AXL: variants seen among roughly 807,000 people sequenced by gnomAD.
AXL encodes the protein AXL receptor tyrosine kinase.
Under a neutral mutation model 104.5 loss-of-function variants are expected in AXL, and 52 were observed. The observed-to-expected ratio is 0.50, with a 90% CI of 0.40 to 0.63. The LOEUF (loss-of-function observed/expected upper bound fraction) is 0.63. Among genes scored for constraint, AXL ranks in the 20% least tolerant of loss-of-function variants. The probability of loss-of-function intolerance (pLI) is 0.00; values close to 1 mark genes in which losing one functional copy is unlikely to be tolerated. For missense variants in AXL, 1,024 were observed against 1,188.5 expected (o/e 0.86, Z 2.04); for synonymous variants, 455 against 473.7 (o/e 0.96, Z 0.51).
intron 4 of AXL, among the ~76,000 whole-genome samples, chr19:41,225,877 G>A (rs1002450525): frequency 1.3e-5 from 2 of 152,080 alleles, no homozygotes; most frequent in Non-Finnish European, 2.9e-5. Flanking sequence ...AATTTCGTCC[G>A]TTTGTGTGCG....
rs890921829 is a variant in AXL at position 41,221,082 on chromosome 19, C to A, written c.309-64C>A. The A allele has an allele frequency of 3.4e-6, 5 of 1,471,664 alleles. No individual in the cohort carries two copies. In the East Asian group the frequency reaches 1.1e-4, roughly 33 times the overall value. The allele number at this position is 1,471,664 out of a possible 1,614,324, so 91.2% of individuals were successfully genotyped here. Reference sequence around the variant, plus strand: ...ACTGGACACCCTCTTTCCGTTCTGACAGACCCCCTCCCAGTGTCCAGCTCT... The same window carrying A: ...ACTGGACACCCTCTTTCCGTTCTGAAAGACCCCCTCCCAGTGTCCAGCTCT... On this transcript the variant is annotated intron_variant, in intron 2 of 19. Coordinates refer to ENST00000301178, the MANE Select transcript of AXL (RefSeq NM_021913.5).
At chr19:41,257,727 C>T (rs1030772930) in intron 19 of AXL, 98 bp downstream of exon 19, 3 of 1,494,106 alleles carry the variant, frequency 2.0e-6, no homozygotes, top group Admixed American at 1.8e-5. Flanking sequence ...ATAACCCAGA[C>T]AGAATCCCTG....
intron 4 of AXL, among the ~76,000 whole-genome samples, chr19:41,229,751 A>T (rs73931456): frequency 0.035 from 5,324 of 152,256 alleles, 330 homozygotes; most frequent in African/African-American, 0.12. Context: ...ACTGGAGGCC[A>T]GTGTGGCCGG....
rs1294417665 is a variant in AXL, at chr19:41,260,313, T to TTTTTTC, written c.*414_*415insCTTTTT. 1.1e-4 allele frequency: 18 copies of TTTTTTC among 164,430 alleles called. 1 individual carries two copies. Among genetic ancestry groups the TTTTTTC allele is most frequent in the African/African-American group, 5.5e-4 (18 of 33,018 alleles). The allele number at this position is 164,430 out of a possible 1,614,324, so 10.2% of individuals were successfully genotyped here. ...CTAAGGCCTACTTTTTTTTTTTTTTTTTTTTTTTTTTTTTTTGCGATAGAG... is the reference window on the plus strand; with the variant it reads ...CTAAGGCCTACTTTTTTTTTTTTTTTTTTTTCTTTTTTTTTTTTTTTTGCGATAGAG... On this transcript the variant is annotated 3_prime_UTR_variant, in exon 20 of 20. Transcript: ENST00000301178.
intron 6 of AXL, among the ~76,000 whole-genome samples, chr19:41,235,664 AAG>A (rs1474711022): frequency 1.3e-5 from 2 of 152,192 alleles, no homozygotes; most frequent in African/African-American, 4.8e-5. Flanking sequence ...CAGTAGAGCA[AAG>A]ACTCTGGGGA....
At chr19:41,222,178 C>T (rs926658058) in intron 4 of AXL, 122 bp downstream of exon 4, 2 of 1,117,140 alleles carry the variant, frequency 1.8e-6, no homozygotes, top group Non-Finnish European at 2.4e-6. Context: ...CACTGTCTGT[C>T]TCTCTCGTTT....
intron 14 of AXL, among the ~76,000 whole-genome samples, chr19:41,249,416 C>T (rs745940764): frequency 2.6e-4 from 40 of 152,162 alleles, no homozygotes; most frequent in Non-Finnish European, 5.6e-4. Context: ...GATCATGCCA[C>T]TGCACTCCAA....
At chr19:41,246,426 A>G (rs1445547453) in intron 12 of AXL, among the ~76,000 whole-genome samples, 2 of 151,798 alleles carry the variant, frequency 1.3e-5, no homozygotes, top group African/African-American at 2.4e-5. Flanking sequence ...CAGCCTGGGC[A>G]ACAGAGTGAG....
At chr19:41,243,457 A>G (rs1250845344) in intron 11 of AXL, among the ~76,000 whole-genome samples, 159 bp from the exon 12 acceptor site, 1 of 152,090 alleles carries the variant, frequency 6.6e-6, no homozygotes, top group African/African-American at 2.4e-5. Flanking sequence ...GTGTGGAATG[A>G]ATGGAAGGCA....
rs1599744934 is a variant in AXL at position 41,257,608 on chromosome 19, C to T, written c.2312C>T (p.Pro771Leu). 6.2e-7 allele frequency: 1 copy of T among 1,614,054 alleles called. No homozygotes were observed. The highest frequency in any genetic ancestry group is 1.3e-5 in the African/African-American group (1 of 74,908). The change falls in exon 19 of 20, where the codon CCT (proline) becomes CTT (leucine). Residue 771 changes from proline to leucine, a missense_variant. Around this residue, in one of 5 missense-constraint regions of AXL, gnomAD observed 523 missense variants for 636.0 expected, o/e 0.82. Coordinates refer to ENST00000301178, the MANE Select transcript of AXL (RefSeq NM_021913.5). ...YLRQGNRLKQ[P>L]ADCLDGLYAL... The stretch of plus-strand genomic sequence containing the variant: ...CGCCAGGGAAATCGCCTGAAGCAGC[C>T]TGCGGACTGTCTGGATGGACTGTGA...
intron 11 of AXL, among the ~76,000 whole-genome samples, chr19:41,243,274 G>C (rs1182561101): frequency 6.6e-6 from 1 of 152,202 alleles, no homozygotes; most frequent in African/African-American, 2.4e-5. Flanking sequence ...GCAAAAATTA[G>C]CGGGAAGTGT....
rs373017958 is a variant in AXL, at chr19:41,243,611, C to A, written c.1446-5C>A. ...CTGCCCTCACCTACTCCCCCTCCCC[C>A]CCAGAGAAGTGTTTGAACCAACAGT... On this transcript the variant is annotated splice_region_variant and splice_polypyrimidine_tract_variant and intron_variant, in intron 11 of 19. Coordinates refer to ENST00000301178, the MANE Select transcript of AXL (RefSeq NM_021913.5). The A allele has an allele frequency of 6.3e-5, 102 of 1,613,506 alleles. No homozygotes were observed. Among genetic ancestry groups the A allele is most frequent in the Admixed American group, 5.3e-4 (32 of 59,984 alleles).
chr19:41,224,518 G>A (rs1343985876), intron 4 of AXL, among the ~76,000 whole-genome samples: 1 of 152,062 alleles, frequency 6.6e-6, no homozygotes, highest in Non-Finnish European at 1.5e-5. Context: ...AAGCAGCTGG[G>A]ACTATAGGCA....
At position 41,221,226 on chromosome 19, in the gene AXL, C is replaced by T. The variant is rs1336555409; in HGVS notation, c.389C>T (p.Pro130Leu). Residue 130 changes from proline (P) to leucine (L), a missense_variant, in exon 3 of 20, where the codon CCT becomes CTT. This residue lies in a region of AXL where 41 missense variants were observed against 76.2 expected (regional missense o/e 0.54). Coordinates refer to ENST00000301178, the MANE Select transcript of AXL (RefSeq NM_021913.5). ...FLGHQTFVSQPGYVGLEGLPY... is the reference protein window; with the variant it reads ...FLGHQTFVSQLGYVGLEGLPY... Reference sequence around the variant, plus strand: ...GGACATCAGACCTTCGTGTCCCAGCCTGGCTATGTTGGGCTGGAGGGTGAG... The same window carrying T: ...GGACATCAGACCTTCGTGTCCCAGCTTGGCTATGTTGGGCTGGAGGGTGAG... 6.2e-7 allele frequency: 1 copy of T among 1,613,904 alleles called. No homozygotes were observed. The highest frequency in any genetic ancestry group is 1.3e-5 in the African/African-American group (1 of 74,880).
At chr19:41,232,773 T>A (rs527408703) in intron 6 of AXL, among the ~76,000 whole-genome samples, 1 of 152,178 alleles carries the variant, frequency 6.6e-6, no homozygotes, top group East Asian at 1.9e-4. Flanking sequence ...TGATGGTAGA[T>A]GACAGTAATG....
At chr19:41,238,274 C>A in intron 7 of AXL, 120 bp downstream of exon 7, 1 of 1,424,414 alleles carries the variant, frequency 7.0e-7, no homozygotes, top group Non-Finnish European at 9.8e-7. Flanking sequence ...TCCTTCCCAT[C>A]CAATCTCTGA....
intron 14 of AXL, among the ~76,000 whole-genome samples, chr19:41,251,367 G>A (rs1187230934): frequency 2.0e-5 from 3 of 151,974 alleles, no homozygotes; most frequent in African/African-American, 7.3e-5. Flanking sequence ...TTTGAGACCA[G>A]CCTGGCCAAC....
In AXL at chr19:41,220,740, C is replaced by A; in HGVS notation, c.190C>A (p.Pro64Thr). ...LRCQLQVQGE[P>T]PEVHWLRDGQ... ...GTGTCAGCTCCAGGTTCAGGGAGAG[C>A]CCCCCGAGGTACATTGGCTTCGGGA... The change falls in exon 2 of 20, where the codon CCC becomes ACC. Residue 64 changes from proline (P) to threonine (T), a missense_variant. By Grantham distance (38) the Pro-to-Thr change is conservative. Coordinates refer to ENST00000301178, the MANE Select transcript of AXL (RefSeq NM_021913.5). 1 of 1,614,096 alleles carries A rather than the reference C, an allele frequency of 6.2e-7. No homozygotes were observed. The highest frequency in any genetic ancestry group is 1.7e-5 in the Admixed American group (1 of 60,018).
chr19:41,233,359 A>C (rs1361847702), intron 6 of AXL, among the ~76,000 whole-genome samples: 1 of 147,166 alleles, frequency 6.8e-6, no homozygotes, highest in African/African-American at 2.5e-5. Context: ...TCTGAGCACA[A>C]CCCCATCTGC....
Sources: gnomAD v4.1 joint callset for allele counts (sites outside exome capture counted in the v4.1 genomes callset) on GRCh38, gnomAD v4.1.1 for gene constraint, gnomAD v4.1.1 regional missense constraint, MANE v1.5 for transcripts, NCBI Gene and HGNC (gene_info 2026-07-23, HGNC 2026-07-21) for gene names.